The following TSNARE1 variants were observed in gnomAD, a reference collection of about 807,000 sequenced individuals.
TSNARE1 encodes t-SNARE domain containing 1.
In TSNARE1, 49 loss-of-function variants were observed where a neutral mutation model predicts 62.0. The observed-to-expected ratio is 0.79, with a 90% CI of 0.63 to 1.00. The LOEUF (loss-of-function observed/expected upper bound fraction) is 1.00. TSNARE1 is among the 50% of genes least tolerant of loss of function. The pLI is 0.00. For missense variants in TSNARE1, 755 were observed against 700.1 expected (o/e 1.08, Z -0.88); for synonymous variants, 328 against 294.4 (o/e 1.11, Z -1.17).
At chr8:142,310,777 G>C (rs982411808) in intron 9 of TSNARE1, among the ~76,000 whole-genome samples, 1 of 152,034 alleles carries the variant, frequency 6.6e-6, no homozygotes, top group Non-Finnish European at 1.5e-5. Flanking sequence ...GTTTGAATCT[G>C]CTTTTCTAAG....
At chr8:142,253,534 G>A (rs537198744) in intron 12 of TSNARE1, among the ~76,000 whole-genome samples, 1 of 146,250 alleles carries the variant, frequency 6.8e-6, no homozygotes, top group Non-Finnish European at 1.5e-5. Flanking sequence ...GCAGTAGGGC[G>A]GTCACCCCCC....
chr8:142,271,455 G>T, intron 12 of TSNARE1: 1 of 1,262,398 alleles, frequency 7.9e-7, no homozygotes, highest in Non-Finnish European at 9.9e-7. Context: ...GCTGCCGCTG[G>T]GGTCCTCCTG....
chr8:142,252,204 T>C (rs1474841867), intron 12 of TSNARE1, among the ~76,000 whole-genome samples: 1 of 152,212 alleles, frequency 6.6e-6, no homozygotes, highest in East Asian at 1.9e-4. Context: ...TTTGGTTTAA[T>C]TTTGTTGTTT....
chr8:142,301,339 C>T (rs1400871266), intron 9 of TSNARE1, among the ~76,000 whole-genome samples: 3 of 111,048 alleles, frequency 2.7e-5, no homozygotes, highest in African/African-American at 3.6e-5. Context: ...CCGTCAGGAG[C>T]CCGCAGTGCC....
chr8:142,225,155 C>T (rs1416531947), intron 13 of TSNARE1, among the ~76,000 whole-genome samples: 1 of 151,874 alleles, frequency 6.6e-6, no homozygotes, highest in Non-Finnish European at 1.5e-5. Flanking sequence ...TGCCTCCCCC[C>T]TCCCCCCAGA....
At chr8:142,294,562 G>A (rs1182534960) in intron 10 of TSNARE1, among the ~76,000 whole-genome samples, 1 of 152,190 alleles carries the variant, frequency 6.6e-6, no homozygotes, top group Non-Finnish European at 1.5e-5. Context: ...GCCTCCTCTG[G>A]GATTCCCACA....
chr8:142,278,223 C>T, intron 11 of TSNARE1: 1 of 985,442 alleles, frequency 1.0e-6, no homozygotes, highest in Non-Finnish European at 1.2e-6. Flanking sequence ...TTGGCTGGGT[C>T]TACATGCGTC....
At chr8:142,267,985 T>C (rs1219353885) in intron 12 of TSNARE1, among the ~76,000 whole-genome samples, 1 of 152,062 alleles carries the variant, frequency 6.6e-6, no homozygotes, top group Admixed American at 6.5e-5. Flanking sequence ...AAGACCACAG[T>C]CTCCTTCCTG....
chr8:142,292,954 C>A (rs944907537), intron 10 of TSNARE1, among the ~76,000 whole-genome samples: 10 of 152,172 alleles, frequency 6.6e-5, no homozygotes, highest in African/African-American at 9.7e-5. Flanking sequence ...CCACCTCCCC[C>A]ACACTCAGCA....
At chr8:142,322,918 T>C (rs947470183) in intron 6 of TSNARE1, among the ~76,000 whole-genome samples, 2 of 149,846 alleles carry the variant, frequency 1.3e-5, no homozygotes, top group African/African-American at 2.5e-5. Flanking sequence ...ATGGGCTGGA[T>C]GATATTGTTA....
At chr8:142,279,836 G>A (rs1005237896) in intron 11 of TSNARE1, 10 of 1,015,736 alleles carry the variant, frequency 9.8e-6, no homozygotes, top group Non-Finnish European at 1.2e-5. Flanking sequence ...CCGGGGGGGC[G>A]GGCTGTGGGG....
chr8:142,227,593 T>C (rs1362070084), intron 13 of TSNARE1, among the ~76,000 whole-genome samples: 1 of 152,236 alleles, frequency 6.6e-6, no homozygotes, highest in Non-Finnish European at 1.5e-5. Flanking sequence ...AGGATTTTAG[T>C]AGCAAGACCT....
At chr8:142,309,726 G>GT (rs1827271879) in intron 9 of TSNARE1, among the ~76,000 whole-genome samples, 1 of 152,040 alleles carries the variant, frequency 6.6e-6, no homozygotes, top group South Asian at 2.1e-4. Context: ...TGGGAACCTC[G>GT]TAAGAATCTG....
intron 12 of TSNARE1, among the ~76,000 whole-genome samples, chr8:142,256,542 CCACCAT>C (rs1818588137): frequency 1.2e-4 from 5 of 41,846 alleles, no homozygotes; most frequent in Admixed American, 2.0e-4. Context: ...ATCACCATCA[CCACCAT>C]CACCATCACC....
At chr8:142,285,551 G>A (rs1822587997) in intron 10 of TSNARE1, among the ~76,000 whole-genome samples, 1 of 151,368 alleles carries the variant, frequency 6.6e-6, no homozygotes, top group African/African-American at 2.4e-5. Context: ...GGATGATGGG[G>A]GGATAGATGA....
At chr8:142,242,445 A>C (rs1817709028) in intron 12 of TSNARE1, among the ~76,000 whole-genome samples, 1 of 152,270 alleles carries the variant, frequency 6.6e-6, no homozygotes, top group Non-Finnish European at 1.5e-5. Context: ...GCTTCTGTCC[A>C]GCAAGGGGAG....
intron 13 of TSNARE1, among the ~76,000 whole-genome samples, chr8:142,226,139 GTGCTGGGGTGGAGACCC>G (rs1156474062): frequency 6.6e-6 from 1 of 152,182 alleles, no homozygotes; most frequent in Non-Finnish European, 1.5e-5. Flanking sequence ...ATGTTCACAG[GTGCTGGGGTGGAGACCC>G]TGATTTAGAG....
chr8:142,383,622 C>T (rs908078075), intron 1 of TSNARE1, among the ~76,000 whole-genome samples: 1 of 152,002 alleles, frequency 6.6e-6, no homozygotes, highest in Non-Finnish European at 1.5e-5. Flanking sequence ...CCTACTGTCA[C>T]GGCAGGGGGC....
chr8:142,393,505 G>C (rs1488617988), intron 1 of TSNARE1, among the ~76,000 whole-genome samples: 1 of 152,256 alleles, frequency 6.6e-6, no homozygotes, highest in Non-Finnish European at 1.5e-5. Context: ...AGAGTGCACA[G>C]GATCTGTGTA....
Sources: gnomAD v4.1 joint callset for allele counts (sites outside exome capture counted in the v4.1 genomes callset) on GRCh38, gnomAD v4.1.1 for gene constraint, MANE v1.5 for transcripts, NCBI Gene and HGNC (gene_info 2026-07-23, HGNC 2026-07-21) for gene names.